PRKCA: variants seen among roughly 807,000 people sequenced by gnomAD.
PRKCA encodes protein kinase C alpha, also known as protein kinase C alpha type.
A neutral mutation model predicts 87.0 loss-of-function variants in PRKCA; 27 were observed. The ratio of observed to expected loss-of-function variants is 0.31; its 90% CI spans 0.23 to 0.43. The LOEUF is 0.43. PRKCA is among the 20% of genes least tolerant of loss of function. PRKCA has a pLI of 1.00. For missense variants in PRKCA, 518 were observed against 852.3 expected (o/e 0.61, Z 4.88); for synonymous variants, 329 against 311.1 (o/e 1.06, Z -0.61).
At chr17:66,362,129 G>A (rs11654205) in intron 2 of PRKCA, among the ~76,000 whole-genome samples, 20,931 of 151,986 alleles carry the variant, frequency 0.14, 1,673 homozygotes, top group East Asian at 0.29. Flanking sequence ...TCTGCCTCCC[G>A]GGTTCAAGCG....
At chr17:66,578,868 C>T (rs990297996) in intron 3 of PRKCA, among the ~76,000 whole-genome samples, 6 of 152,200 alleles carry the variant, frequency 3.9e-5, no homozygotes, top group Admixed American at 6.5e-5. Flanking sequence ...GTCCCCATGC[C>T]GACACTCATC....
rs144271024 is a variant in PRKCA at position 66,572,092 on chromosome 17, C to T, written c.289-69263C>T. Among the ~76,000 whole-genome samples, 16 of 152,264 alleles carry T rather than the reference C, an allele frequency of 1.1e-4. No homozygotes were observed. The East Asian group carries it at 2.3e-3, about 22-fold the overall frequency. ...GCTGTGATCCTAGACATGGTAAGTGCGTAATACCTCTAGATGCTGATAGAT... is the reference window on the plus strand; with the variant it reads ...GCTGTGATCCTAGACATGGTAAGTGTGTAATACCTCTAGATGCTGATAGAT... On this transcript the variant is annotated intron_variant, in intron 3 of 16. Coordinates refer to ENST00000413366, the MANE Select transcript of PRKCA (RefSeq NM_002737.3).
At chr17:66,628,754 G>A (rs1269165590) in intron 3 of PRKCA, among the ~76,000 whole-genome samples, 1 of 152,292 alleles carries the variant, frequency 6.6e-6, no homozygotes, top group Middle Eastern at 3.4e-3. Context: ...TTGGCTGGGC[G>A]CTGTGGCTCA....
rs770791840 is a variant in PRKCA, at chr17:66,688,424, C to T, written c.809C>T (p.Pro270Leu). The T allele has an allele frequency of 6.8e-6, 11 of 1,613,940 alleles. No homozygotes were observed. The Admixed American group carries it at 1.0e-4, about 15-fold the overall frequency. Residue 270 changes from proline (P) to leucine (L), a missense_variant, in exon 7 of 17, where the codon CCG becomes CTG. Physicochemically the swap from Pro to Leu is moderately conservative, Grantham distance 98. Around this residue, in one of 5 missense-constraint regions of PRKCA, gnomAD observed 300 missense variants for 496.8 expected, o/e 0.60. Coordinates refer to ENST00000413366, the MANE Select transcript of PRKCA (RefSeq NM_002737.3). The stretch of plus-strand genomic sequence containing the variant: ...GGAGTTTCGGAGCTGATGAAGATGC[C>T]GGCCAGTGGATGGTATGGAAGCCGC... ...SFGVSELMKMPASGWYKLLNQ... is the reference protein window; with the variant it reads ...SFGVSELMKMLASGWYKLLNQ...
At chr17:66,777,420 T>TGGGGGGGGGGGGGGGGGGGGGGGG in intron 14 of PRKCA, 1 of 962,012 alleles carries the variant, frequency 1.0e-6, no homozygotes, top group Non-Finnish European at 1.2e-6. Flanking sequence ...ATTTATTTAG[T>TGGGGGGGGGGGGGGGGGGGGGGGG]TCCCCTCCCC....
intron 13 of PRKCA, among the ~76,000 whole-genome samples, chr17:66,761,464 T>C (rs1025957429): frequency 1.3e-5 from 2 of 152,008 alleles, no homozygotes; most frequent in Admixed American, 1.3e-4. Flanking sequence ...TATTTGGCGG[T>C]GGTTGTTGTT....
At chr17:66,696,846 C>T (rs16960069) in intron 8 of PRKCA, among the ~76,000 whole-genome samples, 32,533 of 152,088 alleles carry the variant, frequency 0.21, 3,808 homozygotes, top group African/African-American at 0.31. Flanking sequence ...ACACCTGGCA[C>T]CCAGGAGGCT....
intron 2 of PRKCA, among the ~76,000 whole-genome samples, chr17:66,306,932 C>G (rs1018689549): frequency 6.6e-6 from 1 of 152,092 alleles, no homozygotes; most frequent in South Asian, 2.1e-4. Context: ...CATTTCCCAT[C>G]TGGGCATAGA....
Position 66,602,415 on chromosome 17 carries a change from C to T in PRKCA, c.289-38940C>T, listed in dbSNP as rs377121506. ...GCTTCCCAGGTGAGGCAATGCCTCG[C>T]CCTGCTTCGGCTCGCGCACGGTGCG... On this transcript the variant is annotated intron_variant, in intron 3 of 16. Coordinates refer to ENST00000413366, the MANE Select transcript of PRKCA (RefSeq NM_002737.3). 3.2e-4 allele frequency among the ~76,000 whole-genome samples: 48 copies of T among 150,000 alleles called. 1 individual carries two copies. The East Asian group carries it at 4.9e-3, about 15-fold the overall frequency.
intron 2 of PRKCA, among the ~76,000 whole-genome samples, chr17:66,321,780 G>C (rs1480355155): frequency 6.6e-6 from 1 of 152,096 alleles, no homozygotes; most frequent in African/African-American, 2.4e-5. Context: ...CTGACCTCGG[G>C]TGATCCACCC....
chr17:66,784,869 C>T (rs1051756225), intron 14 of PRKCA, among the ~76,000 whole-genome samples: 1 of 152,126 alleles, frequency 6.6e-6, no homozygotes, highest in African/African-American at 2.4e-5. Flanking sequence ...GGTGGGTGCC[C>T]CCCCAAGCTG....
At chr17:66,758,168 C>T (rs554629606) in intron 13 of PRKCA, among the ~76,000 whole-genome samples, 5 of 152,332 alleles carry the variant, frequency 3.3e-5, no homozygotes, top group Middle Eastern at 3.4e-3. Flanking sequence ...TGTTCTTCAA[C>T]ATGAGGCCGC....
chr17:66,536,619 G>T (rs1383617725), intron 3 of PRKCA, among the ~76,000 whole-genome samples: 1 of 152,194 alleles, frequency 6.6e-6, no homozygotes, highest in Non-Finnish European at 1.5e-5. Flanking sequence ...CAGAAGGGGG[G>T]ATGCTGCTGT....
chr17:66,786,338 C>T lies in PRKCA; in HGVS notation c.1606-529C>T, dbSNP rs1422679061. On this transcript the variant is annotated intron_variant, in intron 14 of 16. Transcript: ENST00000413366. ...AATGGAAGCTAAGGTCCCATCACTGCTGCTGTGCAGCTGGAAGGCCCTCCC... is the reference window on the plus strand; with the variant it reads ...AATGGAAGCTAAGGTCCCATCACTGTTGCTGTGCAGCTGGAAGGCCCTCCC... 3.9e-5 allele frequency among the ~76,000 whole-genome samples: 6 copies of T among 152,314 alleles called. No homozygotes were observed. In the East Asian group the frequency reaches 1.2e-3, roughly 29 times the overall value.
chr17:66,763,436 G>C (rs369428145), intron 13 of PRKCA, among the ~76,000 whole-genome samples: 1 of 152,152 alleles, frequency 6.6e-6, no homozygotes, highest in Non-Finnish European at 1.5e-5. Flanking sequence ...CCCAGAAAAC[G>C]TTCAGGCCTG....
At chr17:66,328,591 A>T (rs1015744772) in intron 2 of PRKCA, among the ~76,000 whole-genome samples, 1 of 152,008 alleles carries the variant, frequency 6.6e-6, no homozygotes, top group African/African-American at 2.4e-5. Context: ...TGAGGTCAGG[A>T]GTTTGAGACC....
chr17:66,700,062 A>G (rs755843787), intron 8 of PRKCA, among the ~76,000 whole-genome samples: 6 of 152,254 alleles, frequency 3.9e-5, no homozygotes, highest in Non-Finnish European at 4.4e-5. Flanking sequence ...ATTCTCAACA[A>G]AATACTATCA....
At chr17:66,571,486 C>A (rs1394702066) in intron 3 of PRKCA, among the ~76,000 whole-genome samples, 1 of 152,120 alleles carries the variant, frequency 6.6e-6, no homozygotes, top group Non-Finnish European at 1.5e-5. Context: ...CTAAAATTTG[C>A]AGCATTCTCC....
intron 3 of PRKCA, among the ~76,000 whole-genome samples, chr17:66,551,601 C>T (rs2143220899): frequency 6.6e-6 from 1 of 152,236 alleles, no homozygotes; most frequent in East Asian, 1.9e-4. Context: ...TGCTATATTC[C>T]ATATACTTGA....
Sources: allele counts gnomAD v4.1 joint callset (sites outside exome capture counted in the v4.1 genomes callset), GRCh38; gene constraint gnomAD v4.1.1; regional missense constraint gnomAD v4.1.1; transcripts MANE v1.5; gene names NCBI Gene and HGNC (gene_info 2026-07-23, HGNC 2026-07-21).